ATP2B2: variants seen among roughly 807,000 people sequenced by gnomAD.
ATP2B2 encodes the protein plasma membrane calcium-transporting ATPase 2.
Under a neutral mutation model 120.0 loss-of-function variants are expected in ATP2B2, and 15 were observed. That is an observed-to-expected ratio of 0.12 (90% CI 0.08 to 0.19). The LOEUF (loss-of-function observed/expected upper bound fraction) is 0.19, where lower values mean the gene tolerates loss of function less well. Ranked by LOEUF, ATP2B2 falls within the 10% of genes least tolerant of loss-of-function variation. The pLI is 1.00. For missense variants in ATP2B2, 1,045 were observed against 1,719.8 expected (o/e 0.61, Z 6.94); for synonymous variants, 694 against 700.3 (o/e 0.99, Z 0.14).
chr3:10,577,676 T>C (rs1182584459), intron 2 of ATP2B2, among the ~76,000 whole-genome samples: 2 of 152,132 alleles, frequency 1.3e-5, no homozygotes, highest in South Asian at 2.1e-4. Context: ...ATGTAGATGG[T>C]GTCCTGCCAG....
intron 1 of ATP2B2, among the ~76,000 whole-genome samples, chr3:10,625,327 G>A (rs538579351): frequency 2.1e-4 from 32 of 152,088 alleles, no homozygotes; most frequent in Non-Finnish European, 2.4e-4. Context: ...CATGGGCTTC[G>A]GGGGCCTGGG....
intron 1 of ATP2B2, among the ~76,000 whole-genome samples, chr3:10,503,833 G>T (rs953514232): frequency 2.0e-5 from 3 of 152,240 alleles, no homozygotes; most frequent in African/African-American, 7.2e-5. Flanking sequence ...ACTGTGTGCA[G>T]CCTACTGCTT....
intron 2 of ATP2B2, among the ~76,000 whole-genome samples, chr3:10,558,135 T>A (rs1174058377): frequency 6.6e-6 from 1 of 152,186 alleles, no homozygotes; most frequent in Non-Finnish European, 1.5e-5. Context: ...GGCATTTACC[T>A]CCTTCTTTGG....
At chr3:10,671,377 A>G (rs537980846) in intron 1 of ATP2B2, among the ~76,000 whole-genome samples, 9 of 152,216 alleles carry the variant, frequency 5.9e-5, no homozygotes, top group African/African-American at 1.9e-4. Context: ...CTAGGCCATT[A>G]CTTCTCAAAA....
At chr3:10,625,410 G>C (rs2069669298) in intron 1 of ATP2B2, among the ~76,000 whole-genome samples, 1 of 152,194 alleles carries the variant, frequency 6.6e-6, no homozygotes, top group Non-Finnish European at 1.5e-5. Context: ...ATAAGAACGG[G>C]TCAGGGCCTT....
intron 2 of ATP2B2, among the ~76,000 whole-genome samples, chr3:10,423,180 A>G (rs1434292826): frequency 1.3e-5 from 2 of 152,138 alleles, no homozygotes; most frequent in Non-Finnish European, 2.9e-5. Context: ...AAATTAACAA[A>G]CTTATTGTTT....
chr3:10,655,649 C>T (rs2070603188), intron 1 of ATP2B2, among the ~76,000 whole-genome samples: 1 of 152,190 alleles, frequency 6.6e-6, no homozygotes, highest in Non-Finnish European at 1.5e-5. Context: ...AGAACAGGCC[C>T]CATGTCCCTG....
intron 2 of ATP2B2, among the ~76,000 whole-genome samples, chr3:10,556,606 G>A (rs1443805225): frequency 1.3e-5 from 2 of 152,224 alleles, no homozygotes; most frequent in Non-Finnish European, 2.9e-5. Flanking sequence ...TCCTAAGGGA[G>A]GAGAAGAGCA....
intron 8 of ATP2B2, among the ~76,000 whole-genome samples, chr3:10,384,155 TCTTTGGGCA>T (rs2061606878): frequency 1.3e-5 from 2 of 152,176 alleles, no homozygotes; most frequent in East Asian, 1.9e-4. Flanking sequence ...GGTGCTTCCA[TCTTTGGGCA>T]CTTTGAATGC....
At chr3:10,348,282 C>A (rs1404357731) in intron 16 of ATP2B2, among the ~76,000 whole-genome samples, 3 of 152,202 alleles carry the variant, frequency 2.0e-5, no homozygotes, top group Non-Finnish European at 2.9e-5. Flanking sequence ...CCGCACCTGG[C>A]AGCTCCACTT....
intron 5 of ATP2B2, chr3:10,394,467 G>A (rs1290680495): frequency 2.1e-6 from 1 of 471,292 alleles, no homozygotes; most frequent in Non-Finnish European, 4.4e-6. Flanking sequence ...ACACAGCTGT[G>A]AGTGGTGGAG....
chr3:10,568,128 G>T (rs1410919095), intron 2 of ATP2B2, among the ~76,000 whole-genome samples: 2 of 152,210 alleles, frequency 1.3e-5, no homozygotes, highest in African/African-American at 4.8e-5. Flanking sequence ...CCCAGAGTGG[G>T]CTCAGGCTGT....
chr3:10,429,161 C>G (rs1257530461), intron 2 of ATP2B2, among the ~76,000 whole-genome samples: 1 of 152,164 alleles, frequency 6.6e-6, no homozygotes, highest in African/African-American at 2.4e-5. Context: ...CCTCTGTCTC[C>G]GGATCCCAGG....
chr3:10,595,124 C>A (rs183993962), intron 2 of ATP2B2, among the ~76,000 whole-genome samples: 80 of 152,326 alleles, frequency 5.3e-4, no homozygotes, highest in African/African-American at 1.8e-3. Flanking sequence ...GGATGCTGAC[C>A]GCAGTGCATT....
Position 10,326,881 on chromosome 3 carries a change from T to A in ATP2B2, c.*1933A>T, listed in dbSNP as rs1049333874. On this transcript the variant is annotated 3_prime_UTR_variant, in exon 23 of 23. Coordinates refer to ENST00000360273, the MANE Select transcript of ATP2B2 (RefSeq NM_001001331.4). ...TTTCCCGAGTGGCTCTCATCTTGTTTGTGGAAGAGTTCTCTGGGCCTGGAG... is the reference window on the plus strand; with the variant it reads ...TTTCCCGAGTGGCTCTCATCTTGTTAGTGGAAGAGTTCTCTGGGCCTGGAG... The A allele has an allele frequency of 3.3e-5, 13 of 398,810 alleles. No individual in the cohort carries two copies. Among genetic ancestry groups the A allele is most frequent in the African/African-American group, 2.5e-4 (12 of 48,610 alleles). The allele number at this position is 398,810 out of a possible 1,614,324, so 24.7% of individuals were successfully genotyped here. A position where few individuals can be genotyped will look rare whatever the true frequency, so the allele number is the denominator to read the frequency against.
upstream of ATP2B2, among the ~76,000 whole-genome samples, chr3:10,508,711 T>C (rs927199469): frequency 6.6e-6 from 1 of 152,104 alleles, no homozygotes; most frequent in Non-Finnish European, 1.5e-5. Flanking sequence ...CCAGGATGTG[T>C]TGGGGGGCAG....
chr3:10,466,881 C>A (rs1316065184), intron 1 of ATP2B2, among the ~76,000 whole-genome samples: 3 of 152,220 alleles, frequency 2.0e-5, no homozygotes, highest in Non-Finnish European at 4.4e-5. Context: ...GCGACATCTC[C>A]AGGGGTGACC....
chr3:10,510,369 C>T (rs2066736732), upstream of ATP2B2, among the ~76,000 whole-genome samples: 1 of 152,224 alleles, frequency 6.6e-6, no homozygotes, highest in African/African-American at 2.4e-5. Context: ...ACAGGTAAAA[C>T]ATTGTAGCGC....
intron 2 of ATP2B2, among the ~76,000 whole-genome samples, chr3:10,431,157 G>A (rs1029023170): frequency 6.6e-6 from 1 of 152,284 alleles, no homozygotes. Context: ...GGGTAAAGAT[G>A]CTGTGAACAT....
Sources: allele counts gnomAD v4.1 joint callset (sites outside exome capture counted in the v4.1 genomes callset), GRCh38; gene constraint gnomAD v4.1.1; transcripts MANE v1.5; gene names NCBI Gene and HGNC (gene_info 2026-07-23, HGNC 2026-07-21).